Variants in MDN1 observed in about 807,000 individuals in gnomAD.
The protein encoded by MDN1 is midasin.
In MDN1, 266 loss-of-function variants were observed where a neutral mutation model predicts 669.2. That is an observed-to-expected ratio of 0.40 (90% CI 0.36 to 0.44). The LOEUF is 0.44. Among genes scored for constraint, MDN1 ranks in the 20% least tolerant of loss-of-function variants. The pLI is 1.00. For missense variants in MDN1, 5,940 were observed against 6,754.0 expected (o/e 0.88, Z 4.22); for synonymous variants, 2,385 against 2,457.1 (o/e 0.97, Z 0.87).
intron 15 of MDN1, among the ~76,000 whole-genome samples, chr6:89,764,742 G>A (rs1489984341): frequency 6.6e-6 from 1 of 152,160 alleles, no homozygotes; most frequent in Admixed American, 6.5e-5. Flanking sequence ...GCATTTAGGT[G>A]CAAAGCAGAA....
chr6:89,715,450 T>C (rs1237835605), intron 45 of MDN1, among the ~76,000 whole-genome samples: 2 of 152,212 alleles, frequency 1.3e-5, no homozygotes, highest in Admixed American at 1.3e-4. Flanking sequence ...CTTGCCCCTC[T>C]TGTTTATGCT....
chr6:89,740,478 C>T, intron 31 of MDN1, 100 bp from the exon 32 acceptor site: 1 of 1,183,182 alleles, frequency 8.5e-7, no homozygotes, highest in Non-Finnish European at 1.1e-6. Flanking sequence ...TATCTTCTTT[C>T]TACTGAATTT....
intron 8 of MDN1, 79 bp downstream of exon 8, chr6:89,787,775 T>C (rs1398553026): frequency 2.8e-6 from 3 of 1,070,124 alleles, no homozygotes; most frequent in Non-Finnish European, 4.2e-6. Context: ...GAGAACTCTA[T>C]TACAGGACCT....
chr6:89,714,456 C>A, intron 46 of MDN1, 87 bp downstream of exon 46: 1 of 1,177,064 alleles, frequency 8.5e-7, no homozygotes, highest in Non-Finnish European at 1.2e-6. Flanking sequence ...ACTAAATGTA[C>A]GAAATCTTTG....
Position 89,776,456 on chromosome 6 carries a change from G to C in MDN1, c.1821+144C>G, listed in dbSNP as rs966055614. On this transcript the variant is annotated intron_variant, in intron 12 of 101. Transcript: ENST00000369393. The stretch of plus-strand genomic sequence containing the variant: ...CGCCATTTGGGAGTTGTATGCCCAC[G>C]AGAGGCTGCAATAAAAGCACCAACT... 6 of 602,188 alleles carry C rather than the reference G, an allele frequency of 1.0e-5. No homozygotes were observed. Among genetic ancestry groups the C allele is most frequent in the Non-Finnish European group, 1.7e-5 (6 of 344,618 alleles). The allele number at this position is 602,188 out of a possible 1,614,324, so 37.3% of individuals were successfully genotyped here.
At chr6:89,722,846 CAAAAA>C (rs34376900) in intron 40 of MDN1, 104 bp downstream of exon 40, 209 of 690,944 alleles carry the variant, frequency 3.0e-4, no homozygotes, top group South Asian at 5.3e-4. Flanking sequence ...AACCCAGTCT[CAAAAA>C]AAAAAAAAAA....
At position 89,725,275 on chromosome 6, in the gene MDN1, A is replaced by G. The variant is rs1460427165; in HGVS notation, c.5594T>C (p.Phe1865Ser). Residue 1865 changes from phenylalanine to serine, a missense_variant, in exon 38 of 102, where the codon TTT (phenylalanine) becomes TCT (serine). By Grantham distance (155) the Phe-to-Ser change is radical. Transcript: ENST00000369393. ...TTGTCTAAAGGGATTCTGACACCCA[A>G]AAATCTTCGTCTTTTCATGCTGCAC... ...FQVQHEKTKI[F>S]GCQNPFRQGG... 6.2e-7 allele frequency: 1 copy of G among 1,614,056 alleles called. No individual in the cohort carries two copies. Among genetic ancestry groups the G allele is most frequent in the Non-Finnish European group, 8.5e-7 (1 of 1,179,976 alleles).
At chr6:89,726,831 A>G (rs1247854068) in intron 37 of MDN1, among the ~76,000 whole-genome samples, 2 of 152,220 alleles carry the variant, frequency 1.3e-5, no homozygotes, top group Non-Finnish European at 2.9e-5. Flanking sequence ...CAAAAATCAG[A>G]GCACACTACA....
At chr6:89,785,377 A>G (rs926510685) in intron 8 of MDN1, among the ~76,000 whole-genome samples, 1 of 152,232 alleles carries the variant, frequency 6.6e-6, no homozygotes, top group African/African-American at 2.4e-5. Flanking sequence ...ATCACTGCAA[A>G]TAATTCTACA....
rs201263390 is a variant in MDN1, at chr6:89,712,954, A to T, written c.7219-168T>A. Among the ~76,000 whole-genome samples, 2 of 4,088 alleles carry T rather than the reference A, an allele frequency of 4.9e-4. No homozygotes were observed. Among genetic ancestry groups the T allele is most frequent in the Non-Finnish European group, 5.7e-4 (1 of 1,764 alleles). 2.7% of individuals were successfully genotyped at this position (4,088 alleles called of 152,430 possible). ...ACTTTTCCTGATGACATGTAAGTTT[A>T]AAAAAAAAAAAAAAGGAATATTTAC... On this transcript the variant is annotated intron_variant, in intron 47 of 101. Transcript: ENST00000369393.
At chr6:89,762,644 ATAC>A (rs1163534328) in intron 15 of MDN1, 114 bp from the exon 16 acceptor site, 1 of 706,290 alleles carries the variant, frequency 1.4e-6, no homozygotes, top group African/African-American at 1.8e-5. Context: ...AACGTCAGAA[ATAC>A]TACTGAAATA....
At position 89,653,035 on chromosome 6, in the gene MDN1, G is replaced by C; in HGVS notation, c.15782C>G (p.Thr5261Ser). The C allele has an allele frequency of 1.2e-6, 2 of 1,614,122 alleles. No homozygotes were observed. The highest frequency in any genetic ancestry group is 1.7e-6 in the Non-Finnish European group (2 of 1,180,010). The change falls in exon 94 of 102, where the codon ACC becomes AGC. Residue 5261 changes from threonine (T) to serine (S), a missense_variant. This residue lies in a region of MDN1 where 2,280 missense variants were observed against 2,576.3 expected (regional missense o/e 0.88). Transcript: ENST00000369393. ...GAGGAATTGATGAGCTGTATGAATG[G>C]TAGACTCTCGGCTTCTTTCTGGTTT... is the stretch of plus-strand genomic sequence containing the variant. ...NEKPERSRESTIHTAHQFLMD... is the reference protein window; with the variant it reads ...NEKPERSRESSIHTAHQFLMD...
In MDN1 at chr6:89,793,754, C is replaced by T; in HGVS notation, c.855+8G>A. ...AAGGGGACACACCCCCTACTGATAC[C>T]AACATACCAGCTCTCCAGGGGCTGG... On this transcript the variant is annotated splice_region_variant and intron_variant, in intron 5 of 101. Coordinates refer to ENST00000369393, the MANE Select transcript of MDN1 (RefSeq NM_014611.3). The T allele has an allele frequency of 6.2e-7, 1 of 1,611,554 alleles. No individual in the cohort carries two copies. The highest frequency in any genetic ancestry group is 1.7e-5 in the Admixed American group (1 of 59,798).
At chr6:89,780,191 G>A (rs747080114) in intron 11 of MDN1, 21 bp downstream of exon 11, 1 of 1,408,924 alleles carries the variant, frequency 7.1e-7, no homozygotes, top group East Asian at 2.5e-5. Context: ...AGACAAAAAA[G>A]ACTGGAAAAC....
At position 89,780,269 on chromosome 6, in the gene MDN1, C is replaced by T. The variant is rs941471891; in HGVS notation, c.1668G>A (p.Arg556=). 1.3e-6 allele frequency: 2 copies of T among 1,581,224 alleles called. No individual in the cohort carries two copies. Among genetic ancestry groups the T allele is most frequent in the African/African-American group, 1.4e-5 (1 of 72,968 alleles). ...SLRDLLNWCN[R]IAHSFDSSSL... ...ATGAACTGTCAAAGCTATGGGCAAT[C>T]CTATTACACCAATTCAGCAGATCCC... The change falls in exon 11 of 102, where the codon AGG becomes AGA. Residue 556 remains arginine (R), a synonymous_variant. Coordinates refer to ENST00000369393, the MANE Select transcript of MDN1 (RefSeq NM_014611.3).
chr6:89,760,889 G>A (rs1020957891), intron 17 of MDN1, among the ~76,000 whole-genome samples: 198 of 152,266 alleles, frequency 1.3e-3, no homozygotes, highest in Non-Finnish European at 8.8e-5. Flanking sequence ...GGCCAGGCGC[G>A]GTGGCTCACG....
chr6:89,665,310 A>G (rs1337427787), intron 84 of MDN1, among the ~76,000 whole-genome samples: 1 of 152,080 alleles, frequency 6.6e-6, no homozygotes, highest in Non-Finnish European at 1.5e-5. Context: ...TACAGGTGTG[A>G]GCGACTGAGC....
rs1814620446 is a variant in MDN1 at position 89,718,965 on chromosome 6, G to A, written c.6123C>T (p.Leu2041=). The part of the protein sequence containing the change: ...VPHPSRHPLL[L]LHQSFQPLES... Reference sequence around the variant, plus strand: ...CCAGGGGTTGGAATGACTGGTGCAGGAGCAACAGGGGATGGCGGGACGGGT... The same window carrying A: ...CCAGGGGTTGGAATGACTGGTGCAGAAGCAACAGGGGATGGCGGGACGGGT... The change falls in exon 42 of 102, where the codon CTC becomes CTT. Residue 2041 remains leucine, a synonymous_variant. Coordinates refer to ENST00000369393, the MANE Select transcript of MDN1 (RefSeq NM_014611.3). The A allele has an allele frequency of 6.2e-7, 1 of 1,614,040 alleles. No individual in the cohort carries two copies. Among genetic ancestry groups the A allele is most frequent in the African/African-American group, 1.3e-5 (1 of 74,920 alleles).
chr6:89,664,572 T>C lies in MDN1; in HGVS notation c.14151A>G (p.Lys4717=). ...CATTATCCTCGCCCTTAATATCAGATTTTGAATCAGGATCCTCTTTGTCTT... is the reference window on the plus strand; with the variant it reads ...CATTATCCTCGCCCTTAATATCAGACTTTGAATCAGGATCCTCTTTGTCTT... ...QEKDKEDPDS[K]SDIKGEDNAI... The change falls in exon 85 of 102, where the codon AAA becomes AAG. Residue 4717 remains lysine, a synonymous_variant. Coordinates refer to ENST00000369393, the MANE Select transcript of MDN1 (RefSeq NM_014611.3). 6.2e-7 allele frequency: 1 copy of C among 1,613,752 alleles called. No homozygotes were observed. The highest frequency in any genetic ancestry group is 8.5e-7 in the Non-Finnish European group (1 of 1,179,678).
Sources: allele counts gnomAD v4.1 joint callset (sites outside exome capture counted in the v4.1 genomes callset), GRCh38; gene constraint gnomAD v4.1.1; regional missense constraint gnomAD v4.1.1; transcripts MANE v1.5; gene names NCBI Gene and HGNC (gene_info 2026-07-23, HGNC 2026-07-21).